STRA8: variants seen among roughly 807,000 people sequenced by gnomAD.
STRA8 encodes the protein stimulated by retinoic acid 8.
In STRA8, 18 loss-of-function variants were observed where a neutral mutation model predicts 37.1. The ratio of observed to expected loss-of-function variants is 0.48; its 90% CI spans 0.34 to 0.72. STRA8 has a LOEUF of 0.72. Ranked by LOEUF, STRA8 falls within the 30% of genes least tolerant of loss-of-function variation. STRA8 has a pLI of 0.01. For synonymous variants in STRA8, 168 were observed against 162.9 expected, an observed-to-expected ratio of 1.03 and a Z score of -0.24; for missense variants, 357 against 410.4, an observed-to-expected ratio of 0.87 and a Z score of 1.13.
chr7:135,256,340 A>G (rs1346817817), intron 8 of STRA8, among the ~76,000 whole-genome samples: 2 of 151,698 alleles, frequency 1.3e-5, no homozygotes, highest in Non-Finnish European at 3.0e-5. Context: ...CTTCCCACCA[A>G]TCCTTGGGTG....
chr7:135,245,864 A>T lies in STRA8; in HGVS notation c.593+337A>T, dbSNP rs1832543837. ...AGGGCTAACCCCTCTCTCCCCCAAA[A>T]CACATACCCCCACAAGTCCGCACTG... On this transcript the variant is annotated intron_variant, in intron 5 of 8. Transcript: ENST00000662584. Among the ~76,000 whole-genome samples the T allele has an allele frequency of 2.6e-5, 4 of 152,104 alleles. No homozygotes were observed. In the South Asian group the frequency reaches 8.3e-4, roughly 31 times the overall value.
At chr7:135,241,903 A>G (rs1183826480) in intron 2 of STRA8, among the ~76,000 whole-genome samples, 1 of 152,158 alleles carries the variant, frequency 6.6e-6, no homozygotes, top group African/African-American at 2.4e-5. Flanking sequence ...ATAGGTGGTC[A>G]GCCTAACAAA....
At chr7:135,237,242 G>C (rs1049591813) in intron 1 of STRA8, among the ~76,000 whole-genome samples, 3 of 152,200 alleles carry the variant, frequency 2.0e-5, no homozygotes, top group African/African-American at 7.2e-5. Flanking sequence ...TGCAGTTCCA[G>C]GCCCTAGGGA....
intron 2 of STRA8, among the ~76,000 whole-genome samples, chr7:135,240,984 G>A (rs1832456311): frequency 6.6e-6 from 1 of 152,170 alleles, no homozygotes; most frequent in Non-Finnish European, 1.5e-5. Context: ...CTATCTTGCT[G>A]TGTTCTCACA....
At chr7:135,236,125 C>A (rs1003445859) in intron 1 of STRA8, among the ~76,000 whole-genome samples, 1 of 151,376 alleles carries the variant, frequency 6.6e-6, no homozygotes, top group African/African-American at 2.4e-5. Context: ...AAAAAAAAAA[C>A]CTTAAGAACT....
At chr7:135,240,089 G>A (rs1360119350) in intron 1 of STRA8, among the ~76,000 whole-genome samples, 1 of 151,938 alleles carries the variant, frequency 6.6e-6, no homozygotes, top group Admixed American at 6.6e-5. Context: ...GAGATCTCAG[G>A]GTACAGCTGC....
chr7:135,234,890 G>A (rs1162009396), intron 1 of STRA8, among the ~76,000 whole-genome samples: 1 of 152,104 alleles, frequency 6.6e-6, no homozygotes, highest in Non-Finnish European at 1.5e-5. Context: ...TCACTTGTTT[G>A]CTTTTAGACA....
chr7:135,243,508 G>C, intron 4 of STRA8, 98 bp downstream of exon 4: 1 of 1,041,298 alleles, frequency 9.6e-7, no homozygotes, highest in South Asian at 1.5e-5. Context: ...CCAGCCTGCA[G>C]GACCATCAGG....
intron 6 of STRA8, 70 bp from the exon 7 acceptor site, chr7:135,251,726 C>A (rs1305589587): frequency 6.6e-7 from 1 of 1,510,146 alleles, no homozygotes; most frequent in Non-Finnish European, 9.2e-7. Flanking sequence ...TCATCTCTCC[C>A]CAGCAGCCCA....
chr7:135,249,532 C>T lies in STRA8; in HGVS notation c.880-2264C>T, dbSNP rs559513110. On this transcript the variant is annotated intron_variant, in intron 6 of 8. Coordinates refer to ENST00000662584, the MANE Select transcript of STRA8 (RefSeq NM_001394401.1). ...CTGGGAGGTGGAGGTTGCAGTGAGC[C>T]GAGATCACACCATTGCACTCCAGCC... Among the ~76,000 whole-genome samples, 4 of 151,786 alleles carry T rather than the reference C, an allele frequency of 2.6e-5. No individual in the cohort carries two copies. The East Asian group carries it at 5.8e-4, about 22-fold the overall frequency.
upstream of STRA8, among the ~76,000 whole-genome samples, chr7:135,232,216 C>T (rs1832303524): frequency 6.6e-6 from 1 of 151,766 alleles, no homozygotes; most frequent in South Asian, 2.1e-4. Context: ...ATAAGGCTCC[C>T]CAAGACAGAG....
At chr7:135,241,115 TA>T (rs1832458607) in intron 2 of STRA8, among the ~76,000 whole-genome samples, 1 of 152,068 alleles carries the variant, frequency 6.6e-6, no homozygotes, top group African/African-American at 2.4e-5. Flanking sequence ...CTCAACATAC[TA>T]AATTTTGGGG....
intron 7 of STRA8, among the ~76,000 whole-genome samples, chr7:135,252,618 T>C (rs1035465040): frequency 2.0e-5 from 3 of 152,166 alleles, no homozygotes; most frequent in Non-Finnish European, 4.4e-5. Context: ...GGCGCAGGGC[T>C]GGGACATACC....
Position 135,246,573 on chromosome 7 carries a change from G to T in STRA8, c.750G>T (p.Ala250=). ...AGGCCAGCCTCCGGCAGGCCTGGGC[G>T]CAGAAGCACCGCGGCCCTGCGACCC... ...ERKASLRQAW[A]QKHRGPATLA... Residue 250 remains alanine (A), a synonymous_variant, in exon 6 of 9, where the codon GCG becomes GCT. Transcript: ENST00000662584. The surrounding 1 kb of genome is among the most constrained non-coding windows in gnomAD (Gnocchi z 5.4). The T allele has an allele frequency of 6.4e-7, 1 of 1,552,250 alleles. No individual in the cohort carries two copies.
rs139834855 is a variant in STRA8, at chr7:135,238,980, A to G, written c.-6-1539A>G. On this transcript the variant is annotated intron_variant, in intron 1 of 8. Transcript: ENST00000662584. ...ACGGACCAGCATGGGCAACCACAGC[A>G]TCACTGTTCCCATCTTCCTGCCCTG... 2.0e-5 allele frequency among the ~76,000 whole-genome samples: 3 copies of G among 152,328 alleles called. No individual in the cohort carries two copies. In the East Asian group the frequency reaches 5.8e-4, roughly 29 times the overall value.
At chr7:135,235,396 C>CTCT (rs35911742) in intron 1 of STRA8, among the ~76,000 whole-genome samples, 1 of 142,424 alleles carries the variant, frequency 7.0e-6, no homozygotes, top group African/African-American at 2.6e-5. Context: ...TTATGAGTGG[C>CTCT]TTTTTTTTTT....
intron 1 of STRA8, among the ~76,000 whole-genome samples, chr7:135,238,197 A>C (rs1335050257): frequency 1.3e-5 from 2 of 152,140 alleles, no homozygotes; most frequent in Non-Finnish European, 2.9e-5. Flanking sequence ...TCCCTGAGCC[A>C]AGGGGGGGCG....
Position 135,245,390 on chromosome 7 carries a change from T to C in STRA8, c.456T>C (p.Asp152=), listed in dbSNP as rs1294408924. Residue 152 remains aspartate, a synonymous_variant, in exon 5 of 9, where the codon GAT becomes GAC. Coordinates refer to ENST00000662584, the MANE Select transcript of STRA8 (RefSeq NM_001394401.1). ...AGGAGGAAGATGAGGAAGAGGAAGA[T>C]CAAGAAGAAGAGGAGGAGGAAGAAG... is the stretch of plus-strand genomic sequence containing the variant. ...AEEEEDEEEE[D]QEEEEEEEEE... 3 of 745,988 alleles carry C rather than the reference T, an allele frequency of 4.0e-6. No individual in the cohort carries two copies. The highest frequency in any genetic ancestry group is 2.3e-4 in the Middle Eastern group (1 of 4,362). The allele number at this position is 745,988 out of a possible 1,614,324, so 46.2% of individuals were successfully genotyped here.
At chr7:135,256,284 C>T (rs116370459) in intron 8 of STRA8, among the ~76,000 whole-genome samples, 6 of 152,292 alleles carry the variant, frequency 3.9e-5, no homozygotes, top group African/African-American at 1.4e-4. Context: ...CTTCTGGGAC[C>T]ACAGTGAATC....
Sources: allele counts gnomAD v4.1 joint callset (sites outside exome capture counted in the v4.1 genomes callset), GRCh38; gene constraint gnomAD v4.1.1; non-coding constraint Gnocchi (gnomAD v3.1); transcripts MANE v1.5; gene names NCBI Gene and HGNC (gene_info 2026-07-23, HGNC 2026-07-21).